Variants in SLC44A5 observed in about 807,000 individuals in gnomAD.
SLC44A5 encodes the protein choline transporter-like protein 5.
A neutral mutation model predicts 101.8 loss-of-function variants in SLC44A5; 57 were observed. The ratio of observed to expected loss-of-function variants is 0.56; its 90% CI spans 0.45 to 0.70. The LOEUF is 0.70. Ranked by LOEUF, SLC44A5 falls within the 30% of genes least tolerant of loss-of-function variation. The probability of loss-of-function intolerance (pLI) is 0.00; values close to 1 mark genes in which losing one functional copy is unlikely to be tolerated. For synonymous variants in SLC44A5, 281 were observed against 290.9 expected, an observed-to-expected ratio of 0.97 and a Z score of 0.35; for missense variants, 737 against 853.1, an observed-to-expected ratio of 0.86 and a Z score of 1.70.
chr1:75,561,290 G>T (rs1336384491), intron 1 of SLC44A5, among the ~76,000 whole-genome samples: 1 of 152,066 alleles, frequency 6.6e-6, no homozygotes, highest in Non-Finnish European at 1.5e-5. Context: ...AGAAGGACAA[G>T]AATAGAAATA....
At chr1:75,391,989 T>A (rs1661818937) in intron 3 of SLC44A5, among the ~76,000 whole-genome samples, 1 of 152,026 alleles carries the variant, frequency 6.6e-6, no homozygotes, top group Non-Finnish European at 1.5e-5. Flanking sequence ...CCCCCATCTC[T>A]ACAAAAAGCA....
chr1:75,338,433 A>G (rs1164911398), intron 4 of SLC44A5, among the ~76,000 whole-genome samples: 2 of 152,306 alleles, frequency 1.3e-5, no homozygotes, highest in East Asian at 3.9e-4. Context: ...CAGCCTATTT[A>G]TTATAATTAT....
chr1:75,304,074 CAA>C lies in SLC44A5; in HGVS notation c.102-3391_102-3390del, dbSNP rs559548548. ...CATACAAATAAAGGATATAAATATC[CAA>C]AAAAAAAAGTCTGCTTTGTTTTTCT... On this transcript the variant is annotated intron_variant, in intron 4 of 23. Coordinates refer to ENST00000370859, the MANE Select transcript of SLC44A5 (RefSeq NM_001130058.2). Among the ~76,000 whole-genome samples the C allele has an allele frequency of 3.4e-5, 5 of 146,558 alleles. No individual in the cohort carries two copies. The South Asian group carries it at 1.1e-3, about 32-fold the overall frequency.
At chr1:75,308,901 C>T (rs1329063763) in intron 4 of SLC44A5, among the ~76,000 whole-genome samples, 2 of 152,112 alleles carry the variant, frequency 1.3e-5, no homozygotes, top group Non-Finnish European at 2.9e-5. Flanking sequence ...TAAAAGCATA[C>T]ACATTAAAGT....
At chr1:75,477,872 C>T (rs1476971413) in intron 2 of SLC44A5, among the ~76,000 whole-genome samples, 1 of 151,574 alleles carries the variant, frequency 6.6e-6, no homozygotes, top group Admixed American at 6.6e-5. Flanking sequence ...GCAAGGCAGG[C>T]CAACATTCAG....
chr1:75,675,039 A>G, the SLC44A5 span, among the ~76,000 whole-genome samples: 5 of 152,334 alleles, frequency 3.3e-5, no homozygotes, highest in African/African-American at 1.2e-4. Flanking sequence ...GAAGTCAGGT[A>G]GCATGATGCC....
chr1:75,488,360 A>G (rs1019766372), intron 2 of SLC44A5, among the ~76,000 whole-genome samples: 2 of 152,210 alleles, frequency 1.3e-5, no homozygotes, highest in Admixed American at 6.5e-5. Context: ...ATATTGCTGT[A>G]CTGAACACTG....
Position 75,578,139 on chromosome 1 carries a change from TAC to T in SLC44A5, c.-70+32899_-70+32900del, listed in dbSNP as rs776292517. On this transcript the variant is annotated intron_variant, in intron 1 of 23. Coordinates refer to ENST00000370859, the MANE Select transcript of SLC44A5 (RefSeq NM_001130058.2). ...TTATACTCCTTAAACAATCCATAAA[TAC>T]AGTTTCTATATTTTTCCCAAGTAAA... Among the ~76,000 whole-genome samples, 24 of 152,200 alleles carry T rather than the reference TAC, an allele frequency of 1.6e-4. No individual in the cohort carries two copies. The East Asian group carries it at 4.6e-3, about 29-fold the overall frequency.
the SLC44A5 span, among the ~76,000 whole-genome samples, chr1:75,660,460 G>A: frequency 1.3e-5 from 2 of 151,976 alleles, no homozygotes; most frequent in Non-Finnish European, 2.9e-5. Context: ...CATAGTAGTA[G>A]AAGTCATAGC....
intron 3 of SLC44A5, among the ~76,000 whole-genome samples, chr1:75,392,506 G>A (rs1191132291): frequency 6.6e-6 from 1 of 152,078 alleles, no homozygotes; most frequent in Non-Finnish European, 1.5e-5. Context: ...AAAAATAACA[G>A]ATGTTGGTGA....
At chr1:75,662,383 G>T in the SLC44A5 span, among the ~76,000 whole-genome samples, 1 of 152,012 alleles carries the variant, frequency 6.6e-6, no homozygotes, top group South Asian at 2.1e-4. Flanking sequence ...TATGAAGAGG[G>T]GTTGGATAAT....
intron 3 of SLC44A5, among the ~76,000 whole-genome samples, chr1:75,370,596 G>A (rs1188193595): frequency 2.6e-5 from 4 of 152,132 alleles, no homozygotes; most frequent in Admixed American, 6.6e-5. Flanking sequence ...CAAAATTCCT[G>A]GAGCATAAAC....
intron 4 of SLC44A5, among the ~76,000 whole-genome samples, chr1:75,327,034 C>CT (rs1234346167): frequency 6.6e-6 from 1 of 151,510 alleles, no homozygotes; most frequent in African/African-American, 2.4e-5. Context: ...TTACTTTAAA[C>CT]TTTGAGTTAA....
At chr1:75,477,501 TG>T (rs1272003987) in intron 2 of SLC44A5, among the ~76,000 whole-genome samples, 1 of 152,064 alleles carries the variant, frequency 6.6e-6, no homozygotes, top group Admixed American at 6.6e-5. Context: ...TTAAAACCTT[TG>T]AAAAAAATTT....
chr1:75,355,421 A>G (rs910041385), intron 3 of SLC44A5, among the ~76,000 whole-genome samples: 1 of 152,206 alleles, frequency 6.6e-6, no homozygotes, highest in Non-Finnish European at 1.5e-5. Context: ...GAAGAATATA[A>G]TCCATACACT....
At chr1:75,229,116 C>A (rs1647333536) in intron 12 of SLC44A5, among the ~76,000 whole-genome samples, 1 of 151,846 alleles carries the variant, frequency 6.6e-6, no homozygotes, top group African/African-American at 2.4e-5. Flanking sequence ...TGCATTCAAT[C>A]CATCAGGAAA....
chr1:75,578,009 A>G (rs1261316210), intron 1 of SLC44A5, among the ~76,000 whole-genome samples: 2 of 152,274 alleles, frequency 1.3e-5, no homozygotes, highest in Non-Finnish European at 1.5e-5. Context: ...TGTCTTTAAT[A>G]TGAAATTAAT....
At chr1:75,470,885 C>G in intron 2 of SLC44A5, among the ~76,000 whole-genome samples, 1 of 152,160 alleles carries the variant, frequency 6.6e-6, no homozygotes, top group East Asian at 1.9e-4. Flanking sequence ...CAATGGATAG[C>G]TACCAGAGGC....
chr1:75,612,454 T>C (rs1675696453), upstream of SLC44A5, among the ~76,000 whole-genome samples: 1 of 152,222 alleles, frequency 6.6e-6, no homozygotes, highest in South Asian at 2.1e-4. Context: ...TATGTTCCAG[T>C]TCTTGGCATG....
Sources: allele counts gnomAD v4.1 joint callset (sites outside exome capture counted in the v4.1 genomes callset), GRCh38; gene constraint gnomAD v4.1.1; transcripts MANE v1.5; gene names NCBI Gene and HGNC (gene_info 2026-07-23, HGNC 2026-07-21).